Variants in IGF2BP3 observed in about 807,000 individuals in gnomAD.
The protein encoded by IGF2BP3 is insulin-like growth factor 2 mRNA-binding protein 3.
IGF2BP3 carries 9 observed loss-of-function variants against 73.8 expected under a neutral mutation model. That is an observed-to-expected ratio of 0.12 (90% CI 0.07 to 0.21). IGF2BP3 has a LOEUF of 0.21. Ranked by LOEUF, IGF2BP3 falls within the 10% of genes least tolerant of loss-of-function variation. The pLI is 1.00. For missense variants in IGF2BP3, 542 were observed against 714.0 expected (o/e 0.76, Z 2.75); for synonymous variants, 258 against 256.7 (o/e 1.01, Z -0.05).
At chr7:23,441,015 A>C (rs182571502) in intron 2 of IGF2BP3, among the ~76,000 whole-genome samples, 1 of 152,264 alleles carries the variant, frequency 6.6e-6, no homozygotes, top group East Asian at 1.9e-4. Context: ...TTACACACAT[A>C]AATAACTTAA....
chr7:23,377,485 G>A (rs189393277), intron 3 of IGF2BP3, among the ~76,000 whole-genome samples: 1 of 152,276 alleles, frequency 6.6e-6, no homozygotes, highest in Admixed American at 6.5e-5. Flanking sequence ...CAAGTGTTTA[G>A]GCAAAGGATA....
At chr7:23,344,164 T>C (rs950122819) in intron 8 of IGF2BP3, among the ~76,000 whole-genome samples, 1 of 152,234 alleles carries the variant, frequency 6.6e-6, no homozygotes, top group Admixed American at 6.5e-5. Context: ...ATTTTCACAA[T>C]TGAACAGTGA....
chr7:23,437,402 A>C (rs891069569), intron 2 of IGF2BP3, among the ~76,000 whole-genome samples: 1 of 151,824 alleles, frequency 6.6e-6, no homozygotes, highest in African/African-American at 2.4e-5. Flanking sequence ...AGAATCGCTT[A>C]AACCCAGGAG....
chr7:23,419,987 G>A (rs1787298660), intron 2 of IGF2BP3, among the ~76,000 whole-genome samples: 1 of 152,164 alleles, frequency 6.6e-6, no homozygotes, highest in South Asian at 2.1e-4. Context: ...ATGTATATAT[G>A]TATGTATAAG....
At position 23,344,497 on chromosome 7, in the gene IGF2BP3, T is replaced by C. The variant is rs143129909; in HGVS notation, c.942-644A>G. On this transcript the variant is annotated intron_variant, in intron 8 of 14. Coordinates refer to ENST00000258729, the MANE Select transcript of IGF2BP3 (RefSeq NM_006547.3). ...CCATTTAGATAACAAAAACGTTAGA[T>C]AGTGGCAGAAATATTCAGAAACTCC... is the stretch of plus-strand genomic sequence containing the variant. Among the ~76,000 whole-genome samples the C allele has an allele frequency of 3.0e-3, 451 of 152,372 alleles. 4 individuals are homozygous for C. Among genetic ancestry groups the C allele is most frequent in the African/African-American group, 0.01 (424 of 41,588 alleles).
At chr7:23,328,515 A>G (rs572473557) in intron 10 of IGF2BP3, among the ~76,000 whole-genome samples, 1 of 152,342 alleles carries the variant, frequency 6.6e-6, no homozygotes, top group East Asian at 1.9e-4. Flanking sequence ...TCTGAAGAAA[A>G]TATTTTTAAC....
At chr7:23,399,084 G>A (rs1297044483) in intron 3 of IGF2BP3, among the ~76,000 whole-genome samples, 1 of 152,126 alleles carries the variant, frequency 6.6e-6, no homozygotes, top group East Asian at 1.9e-4. Flanking sequence ...ATTAATTTTT[G>A]TATAAGGTGT....
intron 2 of IGF2BP3, among the ~76,000 whole-genome samples, chr7:23,439,052 G>A (rs1477972571): frequency 6.6e-6 from 1 of 152,072 alleles, no homozygotes; most frequent in Non-Finnish European, 1.5e-5. Context: ...AGACCAGCCT[G>A]GGCAACGAAG....
At chr7:23,331,862 AAAAAAAAAAAAG>A (rs1784452927) in intron 10 of IGF2BP3, among the ~76,000 whole-genome samples, 1 of 151,192 alleles carries the variant, frequency 6.6e-6, no homozygotes, top group Admixed American at 6.6e-5. Flanking sequence ...TGTCTCAGAA[AAAAAAAAAAAAG>A]AAAAAAAAAA....
intron 10 of IGF2BP3, among the ~76,000 whole-genome samples, chr7:23,336,897 G>C (rs140261539): frequency 9.9e-5 from 15 of 151,820 alleles, no homozygotes; most frequent in South Asian, 6.2e-4. Flanking sequence ...GCAGTGAACC[G>C]AGATTGCGCC....
chr7:23,338,448 G>C (rs551412605), intron 10 of IGF2BP3, among the ~76,000 whole-genome samples: 1 of 152,174 alleles, frequency 6.6e-6, no homozygotes, highest in South Asian at 2.1e-4. Flanking sequence ...TTGCACCCAG[G>C]AGTTCAATTC....
chr7:23,455,589 C>T (rs1303997833), intron 2 of IGF2BP3, among the ~76,000 whole-genome samples: 1 of 152,190 alleles, frequency 6.6e-6, no homozygotes, highest in African/African-American at 2.4e-5. Context: ...CCACAGTGAA[C>T]CACCATTACT....
chr7:23,439,046 C>G (rs1584045396), intron 2 of IGF2BP3, among the ~76,000 whole-genome samples: 1 of 152,012 alleles, frequency 6.6e-6, no homozygotes, highest in South Asian at 2.1e-4. Flanking sequence ...AGCTAAAGAC[C>G]AGCCTGGGCA....
At chr7:23,419,510 T>C (rs1357244331) in intron 2 of IGF2BP3, among the ~76,000 whole-genome samples, 5 of 152,220 alleles carry the variant, frequency 3.3e-5, no homozygotes, top group African/African-American at 4.8e-5. Flanking sequence ...CTAACTACAT[T>C]TTAAAATAAT....
At chr7:23,423,664 G>T (rs1240015819) in intron 2 of IGF2BP3, among the ~76,000 whole-genome samples, 1 of 151,932 alleles carries the variant, frequency 6.6e-6, no homozygotes, top group Admixed American at 6.6e-5. Context: ...TATGGTGGAG[G>T]GGGGGAAAGA....
chr7:23,421,491 G>A (rs1393392293), intron 2 of IGF2BP3, among the ~76,000 whole-genome samples: 5 of 151,280 alleles, frequency 3.3e-5, no homozygotes, highest in East Asian at 2.0e-4. Context: ...TCAGAAGTTC[G>A]AGACCAGCCT....
chr7:23,405,927 G>C (rs1562732111), intron 3 of IGF2BP3, among the ~76,000 whole-genome samples: 1 of 152,110 alleles, frequency 6.6e-6, no homozygotes, highest in African/African-American at 2.4e-5. Context: ...GAATGCTGTG[G>C]ACAGGCTTAC....
At chr7:23,327,405 C>A (rs991597408) in intron 10 of IGF2BP3, among the ~76,000 whole-genome samples, 267 of 151,818 alleles carry the variant, frequency 1.8e-3, no homozygotes, top group Middle Eastern at 3.4e-3. Flanking sequence ...CTCAGCCTCC[C>A]GAGTAGCTGG....
At chr7:23,317,931 C>T (rs1431383755) in intron 11 of IGF2BP3, 2 of 555,998 alleles carry the variant, frequency 3.6e-6, no homozygotes, top group African/African-American at 3.7e-5. Context: ...TAATGGAGAC[C>T]TCCACGTGCT....
Sources: allele counts gnomAD v4.1 joint callset (sites outside exome capture counted in the v4.1 genomes callset), GRCh38; gene constraint gnomAD v4.1.1; transcripts MANE v1.5; gene names NCBI Gene and HGNC (gene_info 2026-07-23, HGNC 2026-07-21).